Variants in IL22RA2 observed in about 807,000 individuals in gnomAD.
IL22RA2 encodes the protein interleukin-22 receptor subunit alpha-2.
IL22RA2 carries 39 observed loss-of-function variants against 30.7 expected under a neutral mutation model. The observed-to-expected ratio is 1.27, with a 90% CI of 0.98 to 1.66. IL22RA2 has a LOEUF of 1.66. IL22RA2 is among the 40% of genes most tolerant of loss of function. The probability of loss-of-function intolerance (pLI) is 0.00; values close to 1 mark genes in which losing one functional copy is unlikely to be tolerated. For synonymous variants in IL22RA2, 103 were observed against 105.0 expected (o/e 0.98, Z 0.11); for missense variants, 315 against 312.7 (o/e 1.01, Z -0.05).
chr6:137,147,764 T>G lies in IL22RA2; in HGVS notation c.600A>C (p.Glu200Asp). The G allele has an allele frequency of 2.5e-6, 4 of 1,594,646 alleles. No individual in the cohort carries two copies. The highest frequency in any genetic ancestry group is 3.4e-6 in the Non-Finnish European group (4 of 1,163,654). Residue 200 changes from glutamate (E) to aspartate (D), a missense_variant, in exon 6 of 7, where the codon GAA becomes GAC. Glu to Asp is a conservative substitution (Grantham distance 45). Coordinates refer to ENST00000296980, the MANE Select transcript of IL22RA2 (RefSeq NM_052962.3). Reference protein sequence around the residue: ...EKNVSIEDYYELLYRVFIINN... With the variant: ...EKNVSIEDYYDLLYRVFIINN... ...TAATTATAAAAACTCGGTATAGTAG[T>G]TCATAGTAATCTTCTATAGATACAT...
At chr6:137,171,829 T>A (rs926368200) in intron 1 of IL22RA2, among the ~76,000 whole-genome samples, 1 of 152,202 alleles carries the variant, frequency 6.6e-6, no homozygotes, top group African/African-American at 2.4e-5. Context: ...GCCAGCCCTA[T>A]GTGGAAAGGT....
At chr6:137,161,321 T>C (rs559362044) in intron 2 of IL22RA2, among the ~76,000 whole-genome samples, 4 of 152,180 alleles carry the variant, frequency 2.6e-5, no homozygotes, top group Non-Finnish European at 5.9e-5. Context: ...GTAACCACCA[T>C]GATTTAGTGT....
chr6:137,150,427 A>G (rs548191872), intron 5 of IL22RA2, among the ~76,000 whole-genome samples: 38 of 150,756 alleles, frequency 2.5e-4, no homozygotes, highest in African/African-American at 9.0e-4. Flanking sequence ...CCGAAATAAA[A>G]TGGCTTTTTA....
chr6:137,171,369 C>T lies in IL22RA2; in HGVS notation c.-66+2044G>A, dbSNP rs117950376. ...ATGGGAGATGAAAAGTTTCAGAAGC[C>T]GGCTTGCAAAGCCACTTTGCCTCCC... On this transcript the variant is annotated intron_variant, in intron 1 of 6. Coordinates refer to ENST00000296980, the MANE Select transcript of IL22RA2 (RefSeq NM_052962.3). 7.2e-3 allele frequency among the ~76,000 whole-genome samples: 1,099 copies of T among 152,304 alleles called. 12 individuals carry two copies. Among genetic ancestry groups the T allele is most frequent in the Middle Eastern group, 0.034 (10 of 294 alleles).
At chr6:137,163,596 G>T (rs564169674) in intron 1 of IL22RA2, among the ~76,000 whole-genome samples, 3 of 152,340 alleles carry the variant, frequency 2.0e-5, no homozygotes, top group South Asian at 4.1e-4. Context: ...CATATGAACT[G>T]CAGTAAGGTT....
chr6:137,173,337 C>A (rs775103860), intron 1 of IL22RA2, 76 bp downstream of exon 1: 2 of 152,242 alleles, frequency 1.3e-5, no homozygotes, highest in South Asian at 2.1e-4. Context: ...CGCGCCACTG[C>A]GCTCCAGTCT....
chr6:137,157,745 G>A (rs1208344456), intron 3 of IL22RA2, among the ~76,000 whole-genome samples: 1 of 150,274 alleles, frequency 6.7e-6, no homozygotes, highest in Non-Finnish European at 1.5e-5. Context: ...TTGTTTCCAA[G>A]CCTTGAGCCA....
rs116169153 is a variant in IL22RA2 at position 137,160,922 on chromosome 6, T to C, written c.61+767A>G. On this transcript the variant is annotated intron_variant, in intron 2 of 6. Transcript: ENST00000296980. ...CACTTCTGGAAGATGAAGGCTTGAA[T>C]TGCTTTTATGTATTAGTCACTGGAC... 3.6e-3 allele frequency among the ~76,000 whole-genome samples: 553 copies of C among 152,352 alleles called. 4 individuals are homozygous for C. Among genetic ancestry groups the C allele is most frequent in the African/African-American group, 0.013 (530 of 41,580 alleles).
chr6:137,147,008 G>T (rs1015138959), intron 6 of IL22RA2, among the ~76,000 whole-genome samples: 7 of 146,760 alleles, frequency 4.8e-5, no homozygotes, highest in African/African-American at 1.7e-4. Flanking sequence ...AAAAAAAATC[G>T]CAGCAAAACT....
chr6:137,154,321 T>C (rs1666162983), intron 5 of IL22RA2, among the ~76,000 whole-genome samples: 1 of 152,116 alleles, frequency 6.6e-6, no homozygotes, highest in South Asian at 2.1e-4. Flanking sequence ...TGTCTAAAAA[T>C]ACTTTTTTAG....
chr6:137,158,695 T>A lies in IL22RA2; in HGVS notation c.62-213A>T, dbSNP rs117006380. On this transcript the variant is annotated intron_variant, in intron 2 of 6. Transcript: ENST00000296980. ...TCTCAGAATAATGAGTTCCAGATCA[T>A]AAACATGTACGTGATACCTTCCCAC... is the stretch of plus-strand genomic sequence containing the variant. Among the ~76,000 whole-genome samples, 492 of 152,292 alleles carry A rather than the reference T, an allele frequency of 3.2e-3. 2 individuals carry two copies. Among genetic ancestry groups the A allele is most frequent in the Non-Finnish European group, 6.1e-3 (412 of 68,014 alleles).
chr6:137,151,740 G>T (rs982867632), intron 5 of IL22RA2, among the ~76,000 whole-genome samples: 16 of 152,240 alleles, frequency 1.1e-4, no homozygotes, highest in African/African-American at 3.6e-4. Flanking sequence ...AATGGGCAAA[G>T]GATCTCAATG....
chr6:137,150,823 G>A (rs904390941), intron 5 of IL22RA2, among the ~76,000 whole-genome samples: 3 of 152,072 alleles, frequency 2.0e-5, no homozygotes, highest in African/African-American at 7.2e-5. Flanking sequence ...ATGTATCCAA[G>A]AGACAACCAA....
At chr6:137,164,934 A>G (rs1191599017) in intron 1 of IL22RA2, among the ~76,000 whole-genome samples, 1 of 152,060 alleles carries the variant, frequency 6.6e-6, no homozygotes, top group East Asian at 1.9e-4. Flanking sequence ...CATTTTCCTA[A>G]CTCACAATCC....
At chr6:137,154,881 C>G (rs1215883103) in intron 5 of IL22RA2, 60 bp downstream of exon 5, 7 of 1,468,776 alleles carry the variant, frequency 4.8e-6, no homozygotes, top group Middle Eastern at 2.2e-4. Context: ...ACTAGCCGTG[C>G]TCCGGGAGGG....
chr6:137,161,429 A>C (rs1024635364), intron 2 of IL22RA2, among the ~76,000 whole-genome samples: 1 of 152,084 alleles, frequency 6.6e-6, no homozygotes, highest in African/African-American at 2.4e-5. Flanking sequence ...AGAGAGAGAG[A>C]GAAATGGATG....
chr6:137,147,872 G>T lies in IL22RA2; in HGVS notation c.492C>A (p.Val164=). Residue 164 remains valine, a synonymous_variant, in exon 6 of 7, where the codon GTC becomes GTA. Coordinates refer to ENST00000296980, the MANE Select transcript of IL22RA2 (RefSeq NM_052962.3). ...AGCCATTGACTTGGGTTATATTCAT[G>T]ACTGGAGGATCTATTTTTGCTGAAG... The part of the protein sequence containing the change: ...PWWETKIDPP[V]MNITQVNGSL... 1 of 1,610,836 alleles carries T rather than the reference G, an allele frequency of 6.2e-7. No individual in the cohort carries two copies. The highest frequency in any genetic ancestry group is 8.5e-7 in the Non-Finnish European group (1 of 1,178,966).
Position 137,154,829 on chromosome 6 carries a change from A to G in IL22RA2, c.472+112T>C, listed in dbSNP as rs551651358. On this transcript the variant is annotated intron_variant, in intron 5 of 6. Transcript: ENST00000296980. ...GTTGTTCTGACAATTAGACCAAAAG[A>G]GATAATGATGTAGAGACCTCAGCAA... 79 of 819,940 alleles carry G rather than the reference A, an allele frequency of 9.6e-5. 1 individual carries two copies. The East Asian group carries it at 1.9e-3, about 20-fold the overall frequency. 50.8% of individuals were successfully genotyped at this position (819,940 alleles called of 1,614,324 possible). A position where few individuals can be genotyped will look rare whatever the true frequency, so the allele number is the denominator to read the frequency against.
At chr6:137,157,457 G>T (rs1389000630) in intron 3 of IL22RA2, among the ~76,000 whole-genome samples, 1 of 132,470 alleles carries the variant, frequency 7.5e-6, no homozygotes, top group Non-Finnish European at 1.5e-5. Flanking sequence ...GGTTAAAGAT[G>T]GAGATGCTTC....
Sources: allele counts gnomAD v4.1 joint callset (sites outside exome capture counted in the v4.1 genomes callset), GRCh38; gene constraint gnomAD v4.1.1; transcripts MANE v1.5; gene names NCBI Gene and HGNC (gene_info 2026-07-23, HGNC 2026-07-21).